The following DPYSL3 variants were observed in gnomAD, a reference collection of about 807,000 sequenced individuals.
DPYSL3 encodes the protein dihydropyrimidinase like 3, also known as dihydropyrimidinase-related protein 3.
A neutral mutation model predicts 66.1 loss-of-function variants in DPYSL3; 16 were observed. The observed-to-expected ratio is 0.24, with a 90% CI of 0.16 to 0.37. The LOEUF is 0.37. Ranked by LOEUF, DPYSL3 falls within the 10% of genes least tolerant of loss-of-function variation. The probability of loss-of-function intolerance (pLI) is 1.00; values close to 1 mark genes in which losing one functional copy is unlikely to be tolerated. For synonymous variants in DPYSL3, 338 were observed against 345.1 expected, an observed-to-expected ratio of 0.98 and a Z score of 0.23; for missense variants, 738 against 916.2, an observed-to-expected ratio of 0.81 and a Z score of 2.51.
In DPYSL3 at chr5:147,392,903, A is replaced by T. The variant is rs879111154; in HGVS notation, c.*1132T>A. The T allele has an allele frequency of 1.3e-5, 2 of 152,378 alleles. No individual in the cohort carries two copies. The highest frequency in any genetic ancestry group is 4.1e-4 in the South Asian group (2 of 4,834). The allele number at this position is 152,378 out of a possible 1,614,324, so 9.4% of individuals were successfully genotyped here. On this transcript the variant is annotated 3_prime_UTR_variant, in exon 14 of 14. Transcript: ENST00000343218. Reference sequence around the variant, plus strand: ...TTTCCCAGTTCCCCACTTGACTTTCATATAAGCTGAGATGACCTATTACGG... The same window carrying T: ...TTTCCCAGTTCCCCACTTGACTTTCTTATAAGCTGAGATGACCTATTACGG...
chr5:147,497,052 A>G (rs1369076756), intron 1 of DPYSL3, among the ~76,000 whole-genome samples: 1 of 152,218 alleles, frequency 6.6e-6, no homozygotes, highest in Non-Finnish European at 1.5e-5. Context: ...CATATACACC[A>G]CGGAATACTA....
intron 1 of DPYSL3, among the ~76,000 whole-genome samples, chr5:147,493,299 G>C (rs372909866): frequency 6.6e-6 from 1 of 152,216 alleles, no homozygotes; most frequent in East Asian, 1.9e-4. Context: ...TGGGCAGGAC[G>C]TGGTGGTTCA....
At chr5:147,494,599 C>T (rs1753470137) in intron 1 of DPYSL3, among the ~76,000 whole-genome samples, 1 of 151,320 alleles carries the variant, frequency 6.6e-6, no homozygotes, top group Admixed American at 6.6e-5. Context: ...GGCCCGGTGG[C>T]TCACACCTGT....
intron 1 of DPYSL3, among the ~76,000 whole-genome samples, chr5:147,442,800 C>A (rs922452267): frequency 6.6e-6 from 1 of 151,140 alleles, no homozygotes. Context: ...CATAAAACAG[C>A]GTAAACAATA....
At chr5:147,444,911 C>T (rs1392571001) in intron 1 of DPYSL3, among the ~76,000 whole-genome samples, 6 of 151,586 alleles carry the variant, frequency 4.0e-5, no homozygotes, top group African/African-American at 9.7e-5. Flanking sequence ...ACCAATACTT[C>T]CAAAATACCA....
chr5:147,426,539 A>G (rs1752201679), intron 1 of DPYSL3, among the ~76,000 whole-genome samples: 2 of 152,184 alleles, frequency 1.3e-5, no homozygotes, highest in African/African-American at 2.4e-5. Flanking sequence ...CTCCATGGCT[A>G]TTTGACTATG....
At chr5:147,434,069 T>C (rs1359017310) in intron 1 of DPYSL3, among the ~76,000 whole-genome samples, 1 of 151,072 alleles carries the variant, frequency 6.6e-6, no homozygotes, top group Non-Finnish European at 1.5e-5. Context: ...GTATTACACA[T>C]ATTACTACTG....
intron 1 of DPYSL3, among the ~76,000 whole-genome samples, chr5:147,438,923 T>A (rs572928512): frequency 6.6e-6 from 1 of 152,348 alleles, no homozygotes; most frequent in African/African-American, 2.4e-5. Flanking sequence ...TATCATTCCA[T>A]TCATTCAGGG....
chr5:147,408,738 C>T lies in DPYSL3; in HGVS notation c.1022G>A (p.Arg341Lys). The part of the protein sequence containing the change: ...ITGPEGHVLS[R>K]PEELEAEAVF... ...TCCCCTGTAACTTACCTCTTCTGGCCTGCTCAGTACATGGCCTTCTGGGCC... is the reference window on the plus strand; with the variant it reads ...TCCCCTGTAACTTACCTCTTCTGGCTTGCTCAGTACATGGCCTTCTGGGCC... The change falls in exon 7 of 14, where the codon AGG (arginine) becomes AAG (lysine). Residue 341 changes from arginine to lysine, a missense_variant. Physicochemically the swap from Arg to Lys is conservative, Grantham distance 26. Coordinates refer to ENST00000343218, the MANE Select transcript of DPYSL3 (RefSeq NM_001197294.2). The T allele has an allele frequency of 1.2e-6, 2 of 1,614,206 alleles. No homozygotes were observed. The highest frequency in any genetic ancestry group is 1.7e-6 in the Non-Finnish European group (2 of 1,180,028).
chr5:147,400,983 A>G (rs1450166779), intron 9 of DPYSL3, 150 bp from the exon 10 acceptor site: 27 of 1,090,414 alleles, frequency 2.5e-5, no homozygotes, highest in Non-Finnish European at 3.4e-5. Context: ...ATGAGCTTGG[A>G]TGAGTTTCTT....
intron 6 of DPYSL3, among the ~76,000 whole-genome samples, chr5:147,411,685 C>A (rs550734062): frequency 1.3e-5 from 2 of 152,094 alleles, no homozygotes; most frequent in Non-Finnish European, 2.9e-5. Context: ...ACTAATGGTC[C>A]GAGATGAGGG....
intron 1 of DPYSL3, among the ~76,000 whole-genome samples, chr5:147,442,984 GA>G (rs934124403): frequency 1.3e-5 from 2 of 151,988 alleles, no homozygotes; most frequent in Non-Finnish European, 2.9e-5. Context: ...TTTTGTAATG[GA>G]AAAAAAGCCT....
In DPYSL3 at chr5:147,475,189, G is replaced by A. The variant is rs1159512814; in HGVS notation, c.381+34289C>T. ...GTCTATTCATAATAGCTAAAACCTGGAAACACCCCAAATATCCTTCAAAAA... is the reference window on the plus strand; with the variant it reads ...GTCTATTCATAATAGCTAAAACCTGAAAACACCCCAAATATCCTTCAAAAA... On this transcript the variant is annotated intron_variant, in intron 1 of 13. Coordinates refer to ENST00000343218, the MANE Select transcript of DPYSL3 (RefSeq NM_001197294.2). 3.3e-5 allele frequency among the ~76,000 whole-genome samples: 5 copies of A among 151,980 alleles called. No homozygotes were observed. In the East Asian group the frequency reaches 9.6e-4, roughly 29 times the overall value.
intron 1 of DPYSL3, among the ~76,000 whole-genome samples, chr5:147,503,115 C>T (rs1269218758): frequency 6.6e-6 from 1 of 152,124 alleles, no homozygotes; most frequent in East Asian, 1.9e-4. Flanking sequence ...TGACAATGGA[C>T]TCATTAATGA....
At chr5:147,396,391 T>A (rs1161609487) in intron 12 of DPYSL3, among the ~76,000 whole-genome samples, 1 of 152,178 alleles carries the variant, frequency 6.6e-6, no homozygotes, top group East Asian at 1.9e-4. Context: ...CGGTACCTCC[T>A]GCAAAGGGGC....
At chr5:147,507,239 C>A (rs1008550229) in intron 1 of DPYSL3, among the ~76,000 whole-genome samples, 8 of 152,024 alleles carry the variant, frequency 5.3e-5, no homozygotes, top group Non-Finnish European at 1.0e-4. Context: ...ACCTAAAAAT[C>A]ATTAAAATGT....
In DPYSL3 at chr5:147,400,950, C is replaced by T. The variant is rs1003939912; in HGVS notation, c.1311-117G>A. The T allele has an allele frequency of 1.9e-5, 25 of 1,292,084 alleles. No individual in the cohort carries two copies. The African/African-American group carries it at 2.4e-4, about 12-fold the overall frequency. The allele number at this position is 1,292,084 out of a possible 1,614,324, so 80.0% of individuals were successfully genotyped here. A position where few individuals can be genotyped will look rare whatever the true frequency, so the allele number is the denominator to read the frequency against. On this transcript the variant is annotated intron_variant, in intron 9 of 13. Transcript: ENST00000343218. ...CTCTGACTATTTGGGTTTGGAATGC[C>T]TCCTCTACCTCTTACTAGATATATG...
intron 1 of DPYSL3, among the ~76,000 whole-genome samples, chr5:147,484,445 G>C (rs1753297374): frequency 6.6e-6 from 1 of 152,206 alleles, no homozygotes; most frequent in Non-Finnish European, 1.5e-5. Flanking sequence ...GACAGGACTT[G>C]AAAGGGGAAA....
intron 1 of DPYSL3, among the ~76,000 whole-genome samples, chr5:147,479,616 C>T (rs907229558): frequency 6.6e-6 from 1 of 152,176 alleles, no homozygotes; most frequent in Non-Finnish European, 1.5e-5. Flanking sequence ...TATCTATCAA[C>T]ACCATTCTGA....
Sources: gnomAD v4.1 joint callset for allele counts (sites outside exome capture counted in the v4.1 genomes callset) on GRCh38, gnomAD v4.1.1 for gene constraint, MANE v1.5 for transcripts, NCBI Gene and HGNC (gene_info 2026-07-23, HGNC 2026-07-21) for gene names.